Variants in PLCG2 observed in about 807,000 individuals in gnomAD.
The protein encoded by PLCG2 is 1-phosphatidylinositol 4,5-bisphosphate phosphodiesterase gamma-2.
A neutral mutation model predicts 175.6 loss-of-function variants in PLCG2; 69 were observed. That is an observed-to-expected ratio of 0.39 (90% CI 0.32 to 0.48). PLCG2 has a LOEUF of 0.48. PLCG2 is among the 20% of genes least tolerant of loss of function. The probability of loss-of-function intolerance (pLI) is 0.91; values close to 1 mark genes in which losing one functional copy is unlikely to be tolerated. For synonymous variants in PLCG2, 827 were observed against 624.0 expected, an observed-to-expected ratio of 1.33 and a Z score of -4.85; for missense variants, 1,798 against 1,650.9, an observed-to-expected ratio of 1.09 and a Z score of -1.54.
At position 81,939,022 on chromosome 16, in the gene PLCG2, G is replaced by A. The variant is rs980716745; in HGVS notation, c.3313+107G>A. ...TGCAATGCTCTTTAGTTGTCCCAGGGTTTTCTTTCCTCCCTCTTGCCCACA... is the reference window on the plus strand; with the variant it reads ...TGCAATGCTCTTTAGTTGTCCCAGGATTTTCTTTCCTCCCTCTTGCCCACA... On this transcript the variant is annotated intron_variant, in intron 29 of 32. Transcript: ENST00000564138. 7 of 679,580 alleles carry A rather than the reference G, an allele frequency of 1.0e-5. No homozygotes were observed. The African/African-American group carries it at 1.1e-4, about 10-fold the overall frequency. 42.1% of individuals were successfully genotyped at this position (679,580 alleles called of 1,614,324 possible). A position where few individuals can be genotyped will look rare whatever the true frequency, so the allele number is the denominator to read the frequency against.
At chr16:81,740,737 A>AC (rs1909573013) in intron 1 of PLCG2, 1 of 115,520 alleles carries the variant, frequency 8.7e-6, no homozygotes, top group Non-Finnish European at 1.8e-5. Context: ...AAAAAAAAAA[A>AC]AAAAAAAAAA....
chr16:81,942,435 A>G (rs1048778778), intron 30 of PLCG2, among the ~76,000 whole-genome samples: 4 of 152,198 alleles, frequency 2.6e-5, no homozygotes, highest in South Asian at 4.1e-4. Flanking sequence ...TCTAGCTCCT[A>G]GCAGTGCCTG....
At chr16:81,836,703 G>A (rs1337630134) in intron 2 of PLCG2, among the ~76,000 whole-genome samples, 1 of 152,184 alleles carries the variant, frequency 6.6e-6, no homozygotes, top group Non-Finnish European at 1.5e-5. Context: ...TTGTGCCACT[G>A]CACTCCAACC....
At chr16:81,934,778 G>C (rs575048238) in intron 26 of PLCG2, among the ~76,000 whole-genome samples, 5 of 152,020 alleles carry the variant, frequency 3.3e-5, no homozygotes, top group Non-Finnish European at 7.4e-5. Context: ...AGGAAAAAGA[G>C]GTTTAATGGA....
rs4366702 is a variant in PLCG2, at chr16:81,928,466, A to C, written c.2515-92A>C. On this transcript the variant is annotated intron_variant, in intron 23 of 32. Coordinates refer to ENST00000564138, the MANE Select transcript of PLCG2 (RefSeq NM_002661.5). ...ATGCATTTTAAACAGTTCCACAGGC[A>C]GTATCTCTGCTAAACGGTGTGCTTT... 580,486 of 801,296 alleles carry C rather than the reference A, an allele frequency of 0.72. 212,470 individuals carry two copies. The highest frequency in any genetic ancestry group is 0.81 in the Admixed American group (46,643 of 57,692). The allele number at this position is 801,296 out of a possible 1,614,324, so 49.6% of individuals were successfully genotyped here.
chr16:81,862,841 C>T (rs528528362), intron 5 of PLCG2, among the ~76,000 whole-genome samples: 7 of 152,216 alleles, frequency 4.6e-5, no homozygotes, highest in Non-Finnish European at 1.0e-4. Context: ...CACTGAGCTC[C>T]AGCCTGGGCA....
At chr16:81,899,289 T>TATATATATATATAC (rs908648451) in intron 13 of PLCG2, among the ~76,000 whole-genome samples, 1 of 92,420 alleles carries the variant, frequency 1.1e-5, no homozygotes, top group African/African-American at 3.8e-5. Flanking sequence ...TATATATATA[T>TATATATATATATAC]ACACACACAC....
intron 2 of PLCG2, among the ~76,000 whole-genome samples, chr16:81,771,057 C>CAAAA (rs762815312): frequency 1.1e-4 from 10 of 94,584 alleles, no homozygotes; most frequent in African/African-American, 4.0e-4. Context: ...GACTCCATCT[C>CAAAA]AAAAAAAAAA....
At position 81,869,201 on chromosome 16, in the gene PLCG2, C is replaced by T; in HGVS notation, c.480-13C>T. 1.9e-6 allele frequency: 3 copies of T among 1,609,976 alleles called. No individual in the cohort carries two copies. The highest frequency in any genetic ancestry group is 2.6e-6 in the Non-Finnish European group (3 of 1,176,224). On this transcript the variant is annotated splice_polypyrimidine_tract_variant and intron_variant, in intron 5 of 32. Transcript: ENST00000564138. ...CCCTCAAGGTGACAGAACTGGGTCT[C>T]CCTCTTTTGCAGCATCAGTCTCCGA...
At chr16:81,929,124 C>T (rs953509038) in intron 24 of PLCG2, among the ~76,000 whole-genome samples, 22 of 152,306 alleles carry the variant, frequency 1.4e-4, no homozygotes, top group Non-Finnish European at 2.8e-4. Context: ...CATGCTGCAA[C>T]GGGATGTGAA....
At chr16:81,774,943 A>T (rs1387370796), upstream of PLCG2, among the ~76,000 whole-genome samples, 1 of 152,036 alleles carries the variant, frequency 6.6e-6, no homozygotes, top group Non-Finnish European at 1.5e-5. Flanking sequence ...TGGAGGTCTC[A>T]TCATGTTGTC....
At chr16:81,830,662 G>A (rs201515331) in intron 2 of PLCG2, among the ~76,000 whole-genome samples, 8 of 122,386 alleles carry the variant, frequency 6.5e-5, no homozygotes, top group African/African-American at 2.9e-4. Flanking sequence ...GTGTGTGTGT[G>A]TGTGTATATA....
At chr16:81,791,485 C>T (rs79504588) in intron 2 of PLCG2, among the ~76,000 whole-genome samples, 25,600 of 152,104 alleles carry the variant, frequency 0.17, 2,597 homozygotes, top group Non-Finnish European at 0.23. Context: ...GGTGTCACCT[C>T]GCCTGGAAGG....
At position 81,931,443 on chromosome 16, in the gene PLCG2, C is replaced by A. The variant is rs1000468953; in HGVS notation, c.2582-54C>A. On this transcript the variant is annotated intron_variant, in intron 24 of 32. Coordinates refer to ENST00000564138, the MANE Select transcript of PLCG2 (RefSeq NM_002661.5). ...CAGCTCAGGCAGGGTGCAGTCTGGT[C>A]TTTGTGGCCCTCTAATAGGCTGATT... The A allele has an allele frequency of 1.5e-4, 234 of 1,571,806 alleles. 1 individual carries two copies. Among genetic ancestry groups the A allele is most frequent in the Admixed American group, 5.1e-5 (3 of 58,516 alleles).
chr16:81,855,454 T>C (rs1906636270), intron 3 of PLCG2, among the ~76,000 whole-genome samples: 1 of 152,248 alleles, frequency 6.6e-6, no homozygotes, highest in African/African-American at 2.4e-5. Context: ...GTGAGGCAGC[T>C]GTCAAAGTTG....
chr16:81,755,118 G>A (rs1909894328), intron 1 of PLCG2, among the ~76,000 whole-genome samples: 1 of 152,290 alleles, frequency 6.6e-6, no homozygotes, highest in Middle Eastern at 3.4e-3. Context: ...AGCAAGCAGG[G>A]AAGAGAAGCC....
chr16:81,950,921 A>C (rs1302152324), intron 31 of PLCG2, among the ~76,000 whole-genome samples: 2 of 152,250 alleles, frequency 1.3e-5, no homozygotes, highest in Non-Finnish European at 2.9e-5. Flanking sequence ...AAGAGATAGA[A>C]ACCAACTGAA....
chr16:81,932,564 C>T (rs764936478), intron 25 of PLCG2, among the ~76,000 whole-genome samples: 5 of 152,210 alleles, frequency 3.3e-5, no homozygotes. Context: ...TGGCTAGAGT[C>T]AGTGAGTCTC....
intron 31 of PLCG2, among the ~76,000 whole-genome samples, chr16:81,951,073 G>C (rs551089356): frequency 6.6e-6 from 1 of 152,280 alleles, no homozygotes; most frequent in Admixed American, 6.5e-5. Flanking sequence ...CTGCAGCCTT[G>C]ACCTCCTGGG....
Sources: allele counts gnomAD v4.1 joint callset (sites outside exome capture counted in the v4.1 genomes callset), GRCh38; gene constraint gnomAD v4.1.1; transcripts MANE v1.5; gene names NCBI Gene and HGNC (gene_info 2026-07-23, HGNC 2026-07-21).